Variants in MEGF10 observed in about 807,000 individuals in gnomAD.
MEGF10 encodes the protein multiple EGF like domains 10.
Under a neutral mutation model 147.5 loss-of-function variants are expected in MEGF10, and 86 were observed. The ratio of observed to expected loss-of-function variants is 0.58; its 90% CI spans 0.49 to 0.70. The LOEUF (loss-of-function observed/expected upper bound fraction) is 0.70. Among genes scored for constraint, MEGF10 ranks in the 30% least tolerant of loss-of-function variants. The pLI, the probability that MEGF10 is intolerant of heterozygous loss-of-function variation, is 0.00. For missense variants in MEGF10, 1,329 were observed against 1,487.3 expected (o/e 0.89, Z 1.75); for synonymous variants, 478 against 525.5 (o/e 0.91, Z 1.24).
intron 1 of MEGF10, among the ~76,000 whole-genome samples, chr5:127,310,585 G>C (rs571988354): frequency 6.6e-6 from 1 of 152,152 alleles, no homozygotes; most frequent in African/African-American, 2.4e-5. Flanking sequence ...GCTCTGAGAT[G>C]TCTCTTTTTT....
chr5:127,445,276 A>G (rs1410161228), intron 19 of MEGF10, 181 bp from the exon 20 acceptor site: 1 of 603,884 alleles, frequency 1.7e-6, no homozygotes, highest in African/African-American at 1.9e-5. Flanking sequence ...CTGGGCATGG[A>G]TAGGCCGACA....
chr5:127,396,022 T>A (rs76504560), intron 5 of MEGF10, among the ~76,000 whole-genome samples: 1 of 152,150 alleles, frequency 6.6e-6, no homozygotes, highest in Non-Finnish European at 1.5e-5. Context: ...TCTCTCTGCC[T>A]CTCATCGTCA....
intron 4 of MEGF10, among the ~76,000 whole-genome samples, chr5:127,353,371 G>GT (rs1428822828): frequency 6.6e-6 from 1 of 152,200 alleles, no homozygotes; most frequent in Non-Finnish European, 1.5e-5. Flanking sequence ...CTCTTAGCAT[G>GT]TTGGGGACTG....
the MEGF10 span, among the ~76,000 whole-genome samples, chr5:127,250,316 T>C: frequency 1.3e-5 from 2 of 151,942 alleles, no homozygotes; most frequent in African/African-American, 4.8e-5. Flanking sequence ...GAAGAATACA[T>C]TAAATGTAGC....
intron 18 of MEGF10, among the ~76,000 whole-genome samples, chr5:127,442,299 G>T (rs989145452): frequency 6.6e-6 from 1 of 152,126 alleles, no homozygotes; most frequent in Non-Finnish European, 1.5e-5. Flanking sequence ...GCCCCCTGCT[G>T]CTCACTTTAT....
intron 5 of MEGF10, among the ~76,000 whole-genome samples, chr5:127,376,742 A>G (rs532718965): frequency 1.2e-4 from 19 of 152,354 alleles, no homozygotes; most frequent in Non-Finnish European, 2.5e-4. Context: ...CTTAATGGCC[A>G]TAACATACTA....
chr5:127,243,188 T>TA, the MEGF10 span, among the ~76,000 whole-genome samples: 2 of 152,088 alleles, frequency 1.3e-5, no homozygotes, highest in Admixed American at 1.3e-4. Context: ...AGAGAGAACA[T>TA]ATTGTCAGGA....
chr5:127,283,569 T>C, the MEGF10 span, among the ~76,000 whole-genome samples: 2 of 152,322 alleles, frequency 1.3e-5, no homozygotes, highest in South Asian at 4.1e-4. Context: ...GTCCTAAAAG[T>C]AATTTAACAT....
rs947935781 is a variant in MEGF10 at position 127,413,388 on chromosome 5, C to T, written c.1130+2787C>T. On this transcript the variant is annotated intron_variant, in intron 9 of 24. Transcript: ENST00000503335. ...AGACATTTAATAGCCATGGACAATC[C>T]GGATGTGCCTATTTGCAAATGTCAT... is the stretch of plus-strand genomic sequence containing the variant. Among the ~76,000 whole-genome samples the T allele has an allele frequency of 6.6e-5, 10 of 151,970 alleles. 1 individual carries two copies. The highest frequency in any genetic ancestry group is 2.0e-4 in the Admixed American group (3 of 15,268).
intron 1 of MEGF10, among the ~76,000 whole-genome samples, chr5:127,312,916 T>G (rs369849131): frequency 4.6e-5 from 7 of 152,324 alleles, no homozygotes; most frequent in African/African-American, 1.7e-4. Context: ...AAAATTTAAT[T>G]ACATCTGAAA....
intron 23 of MEGF10, 91 bp from the exon 24 acceptor site, chr5:127,455,310 C>G (rs373149776): frequency 7.5e-6 from 8 of 1,064,212 alleles, no homozygotes; most frequent in Non-Finnish European, 9.8e-6. Flanking sequence ...ATTATGGAAA[C>G]CTAGCTATAA....
At chr5:127,388,234 G>A (rs920127112) in intron 5 of MEGF10, among the ~76,000 whole-genome samples, 7 of 151,044 alleles carry the variant, frequency 4.6e-5, no homozygotes, top group South Asian at 2.1e-4. Flanking sequence ...CTGCAGCCTC[G>A]ACCTCCTGGA....
chr5:127,278,266 G>T, the MEGF10 span, among the ~76,000 whole-genome samples: 1 of 151,976 alleles, frequency 6.6e-6, no homozygotes, highest in Non-Finnish European at 1.5e-5. Context: ...ATTCAATGAA[G>T]GGAAGAGAAA....
chr5:127,304,503 T>C (rs1415334343), intron 1 of MEGF10, among the ~76,000 whole-genome samples: 1 of 152,184 alleles, frequency 6.6e-6, no homozygotes, highest in Non-Finnish European at 1.5e-5. Flanking sequence ...TTTACTATTA[T>C]TATTTTTTGG....
chr5:127,299,484 T>G (rs1354567577), intron 1 of MEGF10, among the ~76,000 whole-genome samples: 1 of 152,156 alleles, frequency 6.6e-6, no homozygotes, highest in Non-Finnish European at 1.5e-5. Context: ...AGGGAAAGGG[T>G]TGCAAACTTC....
chr5:127,358,737 G>A (rs145288593), intron 4 of MEGF10, among the ~76,000 whole-genome samples: 97 of 152,280 alleles, frequency 6.4e-4, no homozygotes, highest in Admixed American at 3.4e-3. Flanking sequence ...TCAATTTGCA[G>A]TTGTATCATC....
At chr5:127,318,862 C>T (rs746460348) in intron 1 of MEGF10, among the ~76,000 whole-genome samples, 4 of 152,102 alleles carry the variant, frequency 2.6e-5, no homozygotes, top group East Asian at 3.9e-4. Flanking sequence ...AATATTTTTA[C>T]GGTACATAAG....
intron 16 of MEGF10, 132 bp downstream of exon 16, chr5:127,435,621 T>A (rs1765529434): frequency 1.1e-6 from 1 of 932,902 alleles, no homozygotes; most frequent in African/African-American, 1.7e-5. Context: ...CATTCTACTT[T>A]AAATTCTTTT....
chr5:127,424,663 T>C (rs1765151568), intron 13 of MEGF10: 4 of 843,072 alleles, frequency 4.7e-6, no homozygotes, highest in Non-Finnish European at 6.0e-6. Flanking sequence ...GCTGGTGCAA[T>C]GGACTTTATT....
Sources: allele counts gnomAD v4.1 joint callset (sites outside exome capture counted in the v4.1 genomes callset), GRCh38; gene constraint gnomAD v4.1.1; transcripts MANE v1.5; gene names NCBI Gene and HGNC (gene_info 2026-07-23, HGNC 2026-07-21).